Variants in NPLOC4 observed in about 807,000 individuals in gnomAD.
NPLOC4 encodes NPL4 homolog, ubiquitin recognition factor, also known as nuclear protein localization protein 4 homolog.
A neutral mutation model predicts 80.6 loss-of-function variants in NPLOC4; 18 were observed. The ratio of observed to expected loss-of-function variants is 0.22; its 90% CI spans 0.15 to 0.33. The LOEUF (loss-of-function observed/expected upper bound fraction) is 0.33, where lower values mean the gene tolerates loss of function less well. Ranked by LOEUF, NPLOC4 falls within the 10% of genes least tolerant of loss-of-function variation. NPLOC4 has a pLI of 1.00. For synonymous variants in NPLOC4, 313 were observed against 301.5 expected (o/e 1.04, Z -0.39); for missense variants, 540 against 786.1 (o/e 0.69, Z 3.74).
chr17:81,617,931 T>C (rs1323615626), intron 3 of NPLOC4, among the ~76,000 whole-genome samples: 1 of 152,210 alleles, frequency 6.6e-6, no homozygotes, highest in Non-Finnish European at 1.5e-5. Context: ...GGTGCCGGGA[T>C]TGCAGACGGA....
chr17:81,611,820 C>T (rs1243583639), intron 4 of NPLOC4, among the ~76,000 whole-genome samples: 1 of 151,234 alleles, frequency 6.6e-6, no homozygotes, highest in South Asian at 2.1e-4. Flanking sequence ...ATTAGCCAGG[C>T]GTGGTGGCGG....
At chr17:81,590,963 C>G in intron 11 of NPLOC4, among the ~76,000 whole-genome samples, 1 of 152,214 alleles carries the variant, frequency 6.6e-6, no homozygotes, top group East Asian at 1.9e-4. Flanking sequence ...GCTCAGGAGG[C>G]AGCCAACCCT....
At chr17:81,596,379 G>T in intron 10 of NPLOC4, 137 bp from the exon 11 acceptor site, 1 of 959,420 alleles carries the variant, frequency 1.0e-6, no homozygotes, top group East Asian at 2.6e-5. Context: ...AGGTGGAGGC[G>T]GGAGGTCCAC....
At chr17:81,611,703 G>C (rs1257038436) in intron 4 of NPLOC4, among the ~76,000 whole-genome samples, 1 of 151,114 alleles carries the variant, frequency 6.6e-6, no homozygotes, top group Non-Finnish European at 1.5e-5. Flanking sequence ...CTTGCGCCCT[G>C]TAATCCCAGC....
intron 2 of NPLOC4, among the ~76,000 whole-genome samples, chr17:81,627,440 C>G (rs1051093134): frequency 2.7e-5 from 4 of 150,546 alleles, no homozygotes; most frequent in Non-Finnish European, 4.4e-5. Flanking sequence ...GAACTGTCAA[C>G]TCAGAAATCT....
At chr17:81,562,709 CG>C (rs1278264696) in intron 16 of NPLOC4, 1 of 151,960 alleles carries the variant, frequency 6.6e-6, no homozygotes, top group Non-Finnish European at 1.5e-5. Flanking sequence ...AGCACTGAGG[CG>C]GGAGGATCGC....
intron 16 of NPLOC4, chr17:81,565,181 A>G: frequency 1.6e-6 from 1 of 611,738 alleles, no homozygotes; most frequent in Non-Finnish European, 2.9e-6. Context: ...CGCTTCCATA[A>G]AGTTTCTGAT....
At position 81,572,000 on chromosome 17, in the gene NPLOC4, G is replaced by C. The variant is rs1318275221; in HGVS notation, c.1353+17C>G. 2 of 1,589,896 alleles carry C rather than the reference G, an allele frequency of 1.3e-6. No individual in the cohort carries two copies. The highest frequency in any genetic ancestry group is 1.7e-5 in the Admixed American group (1 of 58,298). On this transcript the variant is annotated intron_variant, in intron 13 of 16. Transcript: ENST00000331134. ...CAATGGGTCCACCTGCCCAAGCTGT[G>C]CATGGGGGGCACTTACGTCTATGAT...
chr17:81,599,521 A>G (rs1477958316), intron 9 of NPLOC4, among the ~76,000 whole-genome samples: 1 of 152,174 alleles, frequency 6.6e-6, no homozygotes, highest in Non-Finnish European at 1.5e-5. Flanking sequence ...AACTGTGTGG[A>G]CTGCTCACTG....
chr17:81,598,662 T>C (rs1412288167), intron 9 of NPLOC4, among the ~76,000 whole-genome samples: 1 of 152,190 alleles, frequency 6.6e-6, no homozygotes, highest in African/African-American at 2.4e-5. Context: ...GTGTGCTGTG[T>C]GATCCTTAGG....
intron 3 of NPLOC4, among the ~76,000 whole-genome samples, chr17:81,616,729 CAAA>C (rs71166160): frequency 0.46 from 66,241 of 142,818 alleles, 16,078 homozygotes; most frequent in East Asian, 0.77. Context: ...GACTCCATCT[CAAA>C]AAAAAAAAAA....
intron 2 of NPLOC4, among the ~76,000 whole-genome samples, chr17:81,626,008 G>C (rs943188711): frequency 6.6e-6 from 1 of 151,998 alleles, no homozygotes. Flanking sequence ...AATTAGACAG[G>C]TGTGGTGGTG....
At chr17:81,571,981 G>T in intron 13 of NPLOC4, 36 bp downstream of exon 13, 1 of 1,525,724 alleles carries the variant, frequency 6.6e-7, no homozygotes, top group Non-Finnish European at 8.9e-7. Context: ...CGCCCAATGG[G>T]TCCACCTGCC....
In NPLOC4 at chr17:81,559,005, T is replaced by G; in HGVS notation, c.*254A>C. The G allele has an allele frequency of 2.1e-6, 1 of 466,118 alleles. No individual in the cohort carries two copies. The highest frequency in any genetic ancestry group is 3.8e-6 in the Non-Finnish European group (1 of 260,538). 28.9% of individuals were successfully genotyped at this position (466,118 alleles called of 1,614,324 possible). On this transcript the variant is annotated 3_prime_UTR_variant, in exon 17 of 17. Coordinates refer to ENST00000331134, the MANE Select transcript of NPLOC4 (RefSeq NM_017921.4). ...CACGGCGGGGGACTTGTCAACAGGATTAGGCGTGAGGAGCCGCTCTGCGTT... is the reference window on the plus strand; with the variant it reads ...CACGGCGGGGGACTTGTCAACAGGAGTAGGCGTGAGGAGCCGCTCTGCGTT...
chr17:81,570,332 C>T (rs918059329), intron 13 of NPLOC4, among the ~76,000 whole-genome samples: 1 of 152,164 alleles, frequency 6.6e-6, no homozygotes, highest in East Asian at 1.9e-4. Context: ...GGGGCTGGTA[C>T]ACATAGTGTT....
At chr17:81,624,229 G>A (rs2035740164) in intron 2 of NPLOC4, among the ~76,000 whole-genome samples, 1 of 152,142 alleles carries the variant, frequency 6.6e-6, no homozygotes, top group South Asian at 2.1e-4. Flanking sequence ...GGCCAGCCTG[G>A]CCACCTTGAT....
chr17:81,629,084 T>C (rs1285779929), intron 2 of NPLOC4, among the ~76,000 whole-genome samples: 3 of 152,082 alleles, frequency 2.0e-5, no homozygotes, highest in Non-Finnish European at 4.4e-5. Context: ...TTCACCATGT[T>C]AGCCAGGATG....
intron 11 of NPLOC4, among the ~76,000 whole-genome samples, chr17:81,594,903 C>T (rs1191886335): frequency 3.3e-5 from 5 of 151,956 alleles, no homozygotes; most frequent in Non-Finnish European, 7.4e-5. Context: ...GACTGCACCA[C>T]TGTGCTCCAG....
At chr17:81,559,953 T>A (rs2033798448) in intron 16 of NPLOC4, among the ~76,000 whole-genome samples, 1 of 150,558 alleles carries the variant, frequency 6.6e-6, no homozygotes, top group South Asian at 2.2e-4. Context: ...CAGGCTGGTC[T>A]CGAACTCCTG....
Sources: allele counts gnomAD v4.1 joint callset (sites outside exome capture counted in the v4.1 genomes callset), GRCh38; gene constraint gnomAD v4.1.1; transcripts MANE v1.5; gene names NCBI Gene and HGNC (gene_info 2026-07-23, HGNC 2026-07-21).